QTMAN: variants seen among roughly 807,000 people sequenced by gnomAD.
QTMAN encodes tRNA-queuosine alpha-mannosyltransferase.
At chr2:143,986,640 T>C in the QTMAN span, among the ~76,000 whole-genome samples, 1 of 152,196 alleles carries the variant, frequency 6.6e-6, no homozygotes, top group Non-Finnish European at 1.5e-5. Flanking sequence ...ATTTGATGGA[T>C]AGATGGTTAG....
chr2:144,260,933 C>A, the QTMAN span, among the ~76,000 whole-genome samples: 1 of 151,382 alleles, frequency 6.6e-6, no homozygotes, highest in South Asian at 2.1e-4. Context: ...TAAACTAAAG[C>A]AAAATCTAAA....
chr2:144,052,502 A>G, the QTMAN span, among the ~76,000 whole-genome samples: 4 of 152,224 alleles, frequency 2.6e-5, no homozygotes, highest in Admixed American at 1.3e-4. Context: ...GTCTTGTGAG[A>G]TAGGTATTAT....
chr2:144,229,279 A>T, the QTMAN span, among the ~76,000 whole-genome samples: 2 of 152,214 alleles, frequency 1.3e-5, no homozygotes, highest in African/African-American at 2.4e-5. Flanking sequence ...CATTAATTTC[A>T]ATCACCATCA....
the QTMAN span, among the ~76,000 whole-genome samples, chr2:144,118,498 T>C: frequency 3.9e-5 from 6 of 152,224 alleles, no homozygotes; most frequent in Non-Finnish European, 7.3e-5. Context: ...CAGTTCCGGC[T>C]GTAAACAAAC....
At chr2:144,130,120 G>C in the QTMAN span, among the ~76,000 whole-genome samples, 2 of 148,488 alleles carry the variant, frequency 1.3e-5, no homozygotes, top group African/African-American at 4.9e-5. Flanking sequence ...GAATAAACCT[G>C]TAATAGTAAT....
the QTMAN span, among the ~76,000 whole-genome samples, chr2:143,955,917 G>A: frequency 5.9e-5 from 9 of 152,310 alleles, no homozygotes; most frequent in Admixed American, 5.9e-4. Context: ...TGCACATTAA[G>A]GATTGCAAAA....
chr2:144,198,748 T>G, the QTMAN span, among the ~76,000 whole-genome samples: 80 of 152,298 alleles, frequency 5.3e-4, no homozygotes, highest in South Asian at 1.7e-3. Flanking sequence ...CCATCACCTA[T>G]AGTAAAAGCT....
At chr2:144,307,947 G>A in the QTMAN span, among the ~76,000 whole-genome samples, 6 of 152,036 alleles carry the variant, frequency 3.9e-5, no homozygotes, top group Non-Finnish European at 7.4e-5. Context: ...AAAATTCCCA[G>A]AAGTATTTTG....
chr2:144,039,413 C>T, the QTMAN span, among the ~76,000 whole-genome samples: 6 of 152,024 alleles, frequency 3.9e-5, no homozygotes, highest in East Asian at 1.9e-4. Context: ...ACTTGGTGAA[C>T]GTTAGGATGA....
the QTMAN span, among the ~76,000 whole-genome samples, chr2:144,084,864 T>C: frequency 6.6e-6 from 1 of 152,204 alleles, no homozygotes; most frequent in African/African-American, 2.4e-5. Flanking sequence ...CACTAAGCCA[T>C]TGGAAGCAAA....
chr2:144,181,596 T>C, the QTMAN span, among the ~76,000 whole-genome samples: 1 of 152,094 alleles, frequency 6.6e-6, no homozygotes, highest in Non-Finnish European at 1.5e-5. Flanking sequence ...GTGAATCACT[T>C]TGAGCCCAGG....
At chr2:144,292,242 C>A in the QTMAN span, among the ~76,000 whole-genome samples, 1 of 152,188 alleles carries the variant, frequency 6.6e-6, no homozygotes, top group South Asian at 2.1e-4. Flanking sequence ...AGTCTAATCA[C>A]CAACAGCTCC....
At chr2:144,217,390 G>A in the QTMAN span, among the ~76,000 whole-genome samples, 63 of 151,986 alleles carry the variant, frequency 4.1e-4, no homozygotes, top group African/African-American at 1.5e-3. Context: ...TCTAGTCTTT[G>A]AGTTTTAGGA....
the QTMAN span, among the ~76,000 whole-genome samples, chr2:144,091,282 C>T: frequency 6.6e-6 from 1 of 151,842 alleles, no homozygotes; most frequent in Non-Finnish European, 1.5e-5. Flanking sequence ...AATGTAAAAC[C>T]TAATTCTAAA....
the QTMAN span, among the ~76,000 whole-genome samples, chr2:144,160,733 T>C: frequency 8.6e-3 from 1,309 of 152,216 alleles, 6 homozygotes; most frequent in Non-Finnish European, 0.014. Flanking sequence ...CATCAACGGT[T>C]AGAGGGGAGA....
At chr2:144,133,405 AATATATT>A in the QTMAN span, among the ~76,000 whole-genome samples, 2 of 58,436 alleles carry the variant, frequency 3.4e-5, no homozygotes, top group Admixed American at 3.7e-4. Flanking sequence ...ATATAAATAT[AATATATT>A]ATATATAATA....
chr2:144,016,854 T>C, the QTMAN span, among the ~76,000 whole-genome samples: 1 of 151,860 alleles, frequency 6.6e-6, no homozygotes, highest in Non-Finnish European at 1.5e-5. Context: ...CTGAACAGAG[T>C]ATCAGAAAAG....
the QTMAN span, among the ~76,000 whole-genome samples, chr2:143,974,749 T>C: frequency 6.6e-6 from 1 of 152,178 alleles, no homozygotes. Flanking sequence ...TTAATAAACA[T>C]TTTTATAGAA....
the QTMAN span, among the ~76,000 whole-genome samples, chr2:144,219,807 G>A: frequency 6.6e-6 from 1 of 152,144 alleles, no homozygotes; most frequent in Non-Finnish European, 1.5e-5. Flanking sequence ...GGGTGACAGA[G>A]TGAGACCCTG....
Sources: allele counts gnomAD v4.1 joint callset (sites outside exome capture counted in the v4.1 genomes callset), GRCh38; gene constraint gnomAD v4.1.1; transcripts MANE v1.5; gene names NCBI Gene and HGNC (gene_info 2026-07-23, HGNC 2026-07-21).